Variants in CCAR2 observed in about 807,000 individuals in gnomAD.
CCAR2 encodes the protein cell cycle and apoptosis regulator 2.
Under a neutral mutation model 108.1 loss-of-function variants are expected in CCAR2, and 21 were observed. That is an observed-to-expected ratio of 0.19 (90% confidence interval 0.14 to 0.28). The LOEUF is 0.28. Ranked by LOEUF, CCAR2 falls within the 10% of genes least tolerant of loss-of-function variation. The probability of loss-of-function intolerance (pLI) is 1.00; values close to 1 mark genes in which losing one functional copy is unlikely to be tolerated. For missense variants in CCAR2, 1,126 were observed against 1,177.0 expected (o/e 0.96, Z 0.63); for synonymous variants, 577 against 472.8 (o/e 1.22, Z -2.86).
chr8:22,605,675 T>C, intron 1 of CCAR2, 61 bp from the exon 2 acceptor site: 2 of 999,184 alleles, frequency 2.0e-6, no homozygotes, highest in Non-Finnish European at 3.1e-6. Flanking sequence ...TTCTCCACTT[T>C]TCCGGGTATA....
Position 22,615,809 on chromosome 8 carries a change from C to T in CCAR2, c.1505C>T (p.Pro502Leu). 1 of 1,613,990 alleles carries T rather than the reference C, an allele frequency of 6.2e-7. No homozygotes were observed. Among genetic ancestry groups the T allele is most frequent in the Non-Finnish European group, 8.5e-7 (1 of 1,180,024 alleles). ...GACACTGATCTCCCAGAGGCCCCTC[C>T]ACCCCCCCTAGAACCTGCTGTCATC... ...ETDTDLPEAP[P>L]PPLEPAVIAR... is the part of the protein sequence containing the mutation. Residue 502 changes from proline (P) to leucine (L), a missense_variant, in exon 13 of 21, where the codon CCA (proline) becomes CTA (leucine). Pro to Leu is a moderately conservative substitution (Grantham distance 98). Coordinates refer to ENST00000308511, the MANE Select transcript of CCAR2 (RefSeq NM_001393997.1).
chr8:22,606,107 G>A lies in CCAR2; in HGVS notation c.81G>A (p.Leu27=). ...NFSGTASTSL[L]GPPPGLLTPP... Reference sequence around the variant, plus strand: ...TAGGCACAGCTTCAACATCTCTTCTGGGCCCTCCTCCTGGTTTGCTCACTC... The same window carrying A: ...TAGGCACAGCTTCAACATCTCTTCTAGGCCCTCCTCCTGGTTTGCTCACTC... Residue 27 remains leucine (L), a synonymous_variant, in exon 3 of 21, where the codon CTG becomes CTA. Transcript: ENST00000308511. The A allele has an allele frequency of 1.9e-6, 3 of 1,614,044 alleles. No homozygotes were observed. The highest frequency in any genetic ancestry group is 1.7e-6 in the Non-Finnish European group (2 of 1,179,940).
chr8:22,613,555 G>C (rs1330760219), intron 8 of CCAR2, among the ~76,000 whole-genome samples: 1 of 152,116 alleles, frequency 6.6e-6, no homozygotes, highest in Admixed American at 6.5e-5. Context: ...AGCTTCCATA[G>C]CTATTGCCAG....
Position 22,619,042 on chromosome 8 carries a change from T to G in CCAR2, c.2521+27T>G, listed in dbSNP as rs1295063375. 3 of 1,609,366 alleles carry G rather than the reference T, an allele frequency of 1.9e-6. No homozygotes were observed. In the African/African-American group the frequency reaches 4.0e-5, roughly 21 times the overall value. ...TGAGGGCCTGGGGCTGCAGCCACCA[T>G]GGGGTCACATGCAGACCAGTAGGGA... On this transcript the variant is annotated intron_variant, in intron 19 of 20. Transcript: ENST00000308511.
intron 7 of CCAR2, among the ~76,000 whole-genome samples, chr8:22,609,812 G>A (rs1425571347): frequency 1.3e-5 from 2 of 152,100 alleles, no homozygotes; most frequent in African/African-American, 4.8e-5. Context: ...GATTGTCCTG[G>A]ACGTGCTGAG....
At chr8:22,618,583 G>A (rs566744621) in intron 17 of CCAR2, 34 bp from the exon 18 acceptor site, 16 of 1,613,760 alleles carry the variant, frequency 9.9e-6, no homozygotes, top group Middle Eastern at 1.7e-4. Flanking sequence ...GGTCGGGGAC[G>A]GGGCCTTCTG....
chr8:22,620,585 CCGGGGA>C (rs1232120480), downstream of CCAR2: 2 of 152,186 alleles, frequency 1.3e-5, no homozygotes, highest in Non-Finnish European at 2.9e-5. Context: ...TGGGCCAGGG[CCGGGGA>C]GGTGCGCACA....
In CCAR2 at chr8:22,619,322, C is replaced by G. The variant is rs574577593; in HGVS notation, c.2694C>G (p.Pro898=). The change falls in exon 20 of 21, where the codon CCC becomes CCG. Residue 898 remains proline (P), a synonymous_variant. Coordinates refer to ENST00000308511, the MANE Select transcript of CCAR2 (RefSeq NM_001393997.1). ...LLQELRRRLT[P]LQLEIQRVVE... ...AGGAGCTCCGCAGGCGTCTGACCCC[C>G]CTGCAGCTGGAGATCCAGCGGGTGG... The G allele has an allele frequency of 6.4e-6, 10 of 1,563,698 alleles. No individual in the cohort carries two copies. The African/African-American group carries it at 1.1e-4, about 17-fold the overall frequency.
Position 22,615,509 on chromosome 8 carries a change from G to T in CCAR2, c.1290G>T (p.Trp430Cys). 2 of 1,613,970 alleles carry T rather than the reference G, an allele frequency of 1.2e-6. No homozygotes were observed. Among genetic ancestry groups the T allele is most frequent in the Non-Finnish European group, 1.7e-6 (2 of 1,180,024 alleles). Residue 430 changes from tryptophan to cysteine, a missense_variant, in exon 12 of 21, where the codon TGG (tryptophan) becomes TGT (cysteine). By Grantham distance (215) the Trp-to-Cys change is radical (BLOSUM62 -2). Around this residue, in one of 4 missense-constraint regions of CCAR2, gnomAD observed 1,013 missense variants for 993.9 expected, o/e 1.02. Transcript: ENST00000308511. The stretch of plus-strand genomic sequence containing the variant: ...TGGTGGTGTACCTGCCGGATGTCTG[G>T]ACCATCATGCCTACTTTGGAGGAGT... ...QTVVVYLPDV[W>C]TIMPTLEEWE...
chr8:22,618,478 C>G lies in CCAR2; in HGVS notation c.2203C>G (p.Arg735Gly). 6.2e-7 allele frequency: 1 copy of G among 1,614,194 alleles called. No homozygotes were observed. The highest frequency in any genetic ancestry group is 1.7e-5 in the Admixed American group (1 of 60,026). Residue 735 changes from arginine (R) to glycine (G), a missense_variant, in exon 17 of 21, where the codon CGG (arginine) becomes GGG (glycine). By Grantham distance (125) the Arg-to-Gly change is moderately radical. Transcript: ENST00000308511. ...GAGGATCCTCCTTACCCTTGGGATC[C>G]GGCTCAGTGCAGAGCAGGTACCTTC... ...LERILLTLGI[R>G]LSAEQAKQLV...
At position 22,617,409 on chromosome 8, in the gene CCAR2, T is replaced by C. The variant is rs190361313; in HGVS notation, c.1846-11T>C. ...CTGCCTTTTCCTTATAACCTTTGTC[T>C]GCCTCTGTAGAAGGAGGATGGGCTT... On this transcript the variant is annotated splice_polypyrimidine_tract_variant and intron_variant, in intron 14 of 20. Coordinates refer to ENST00000308511, the MANE Select transcript of CCAR2 (RefSeq NM_001393997.1). 6.5e-7 allele frequency: 1 copy of C among 1,528,116 alleles called. No individual in the cohort carries two copies. The highest frequency in any genetic ancestry group is 8.8e-7 in the Non-Finnish European group (1 of 1,139,720). 94.7% of individuals were successfully genotyped at this position (1,528,116 alleles called of 1,614,324 possible).
At position 22,614,252 on chromosome 8, in the gene CCAR2, G is replaced by A. The variant is rs199824564; in HGVS notation, c.865G>A (p.Ala289Thr). 2.5e-6 allele frequency: 4 copies of A among 1,613,956 alleles called. No individual in the cohort carries two copies. Among genetic ancestry groups the A allele is most frequent in the Non-Finnish European group, 3.4e-6 (4 of 1,180,050 alleles). Reference protein sequence around the residue: ...SRIQVSSEKEAAPDAGAEPIT... With the variant: ...SRIQVSSEKETAPDAGAEPIT... ...GATCCAGGTCTCTTCTGAAAAGGAG[G>A]CAGCTCCAGACGCTGGTGCTGAGCC... The change falls in exon 9 of 21, where the codon GCA becomes ACA. Residue 289 changes from alanine (A) to threonine (T), a missense_variant. Physicochemically the swap from Ala to Thr is moderately conservative, Grantham distance 58 (BLOSUM62 0). Coordinates refer to ENST00000308511, the MANE Select transcript of CCAR2 (RefSeq NM_001393997.1).
In CCAR2 at chr8:22,613,864, C is replaced by G. The variant is rs1801392046; in HGVS notation, c.705-228C>G. The G allele has an allele frequency of 1.5e-5, 8 of 539,196 alleles. No individual in the cohort carries two copies. In the South Asian group the frequency reaches 2.1e-4, roughly 14 times the overall value. 33.4% of individuals were successfully genotyped at this position (539,196 alleles called of 1,614,324 possible). On this transcript the variant is annotated intron_variant, in intron 8 of 20. Coordinates refer to ENST00000308511, the MANE Select transcript of CCAR2 (RefSeq NM_001393997.1). ...TATATTAAGGCAATGACCCATTTCT[C>G]TGTCATGTGTTATAAGTGTTTTCTT...
At chr8:22,608,954 A>T (rs1801181531) in intron 7 of CCAR2, among the ~76,000 whole-genome samples, 1 of 152,218 alleles carries the variant, frequency 6.6e-6, no homozygotes, top group African/African-American at 2.4e-5. Context: ...TTGTTAAGGT[A>T]AAAAATTTTA....
intron 1 of CCAR2, chr8:22,605,486 C>T (rs1801033626): frequency 2.5e-6 from 1 of 396,100 alleles, no homozygotes; most frequent in Non-Finnish European, 4.6e-6. Flanking sequence ...CTCTGAGCAT[C>T]AGTTTCCTTG....
intron 7 of CCAR2, among the ~76,000 whole-genome samples, chr8:22,610,074 C>T (rs1801217683): frequency 1.3e-5 from 2 of 152,100 alleles, no homozygotes; most frequent in African/African-American, 2.4e-5. Context: ...AATTCCAAAC[C>T]CAGGATGCTT....
chr8:22,613,032 C>T lies in CCAR2; in HGVS notation c.600C>T (p.Ser200=). 1 of 1,612,838 alleles carries T rather than the reference C, an allele frequency of 6.2e-7. No homozygotes were observed. The highest frequency in any genetic ancestry group is 8.5e-7 in the Non-Finnish European group (1 of 1,179,634). The part of the protein sequence containing the change: ...LDQGRSDDYD[S]KKRKQRAGGE... Reference sequence around the variant, plus strand: ...CAACCTCTAGTGATGACTATGACTCCAAGAAACGCAAACAGCGGGCTGGTG... The same window carrying T: ...CAACCTCTAGTGATGACTATGACTCTAAGAAACGCAAACAGCGGGCTGGTG... Residue 200 remains serine (S), a synonymous_variant, in exon 8 of 21, where the codon TCC becomes TCT. Coordinates refer to ENST00000308511, the MANE Select transcript of CCAR2 (RefSeq NM_001393997.1).
intron 2 of CCAR2, 85 bp downstream of exon 2, chr8:22,605,916 T>A: frequency 7.1e-7 from 1 of 1,405,204 alleles, no homozygotes; most frequent in Non-Finnish European, 1.0e-6. Context: ...GGAGAGCAAT[T>A]TGCTGCTGAT....
In CCAR2 at chr8:22,617,477, C is replaced by A. The variant is rs754546918; in HGVS notation, c.1903C>A (p.Pro635Thr). The change falls in exon 15 of 21, where the codon CCC (proline) becomes ACC (threonine). Residue 635 changes from proline (P) to threonine (T), a missense_variant. By Grantham distance (38) the Pro-to-Thr change is conservative. Around this residue, in one of 4 missense-constraint regions of CCAR2, gnomAD observed 1,013 missense variants for 993.9 expected, o/e 1.02. Coordinates refer to ENST00000308511, the MANE Select transcript of CCAR2 (RefSeq NM_001393997.1). ...LSSGGEEEEK[P>T]RGEASEDLCE... ...TTCTGGGGGAGAGGAAGAAGAAAAACCCCGGGGCGAGGCTTCTGAGGACCT... is the reference window on the plus strand; with the variant it reads ...TTCTGGGGGAGAGGAAGAAGAAAAAACCCGGGGCGAGGCTTCTGAGGACCT... 1.5e-5 allele frequency: 24 copies of A among 1,603,970 alleles called. No individual in the cohort carries two copies. Among genetic ancestry groups the A allele is most frequent in the East Asian group, 1.3e-4 (6 of 44,740 alleles).
Sources: gnomAD v4.1 joint callset for allele counts (sites outside exome capture counted in the v4.1 genomes callset) on GRCh38, gnomAD v4.1.1 for gene constraint, gnomAD v4.1.1 regional missense constraint, MANE v1.5 for transcripts, NCBI Gene and HGNC (gene_info 2026-07-23, HGNC 2026-07-21) for gene names.